SPEN: variants seen among roughly 807,000 people sequenced by gnomAD.
SPEN encodes msx2-interacting protein.
SPEN carries 18 observed loss-of-function variants against 269.9 expected under a neutral mutation model. The observed-to-expected ratio is 0.07, with a 90% CI of 0.05 to 0.10. The LOEUF (loss-of-function observed/expected upper bound fraction) is 0.10, where lower values mean the gene tolerates loss of function less well. SPEN is among the 10% of genes least tolerant of loss of function. The pLI, the probability that SPEN is intolerant of heterozygous loss-of-function variation, is 1.00. For missense variants in SPEN, 3,822 were observed against 4,631.2 expected, an observed-to-expected ratio of 0.83 and a Z score of 5.07; for synonymous variants, 1,726 against 1,765.7, an observed-to-expected ratio of 0.98 and a Z score of 0.56.
chr1:15,927,729 T>C (rs1174482788), intron 10 of SPEN, among the ~76,000 whole-genome samples: 2 of 152,246 alleles, frequency 1.3e-5, no homozygotes, highest in Non-Finnish European at 1.5e-5. Context: ...ATGTAAGTTA[T>C]ATAAATTCTG....
At position 15,929,536 on chromosome 1, in the gene SPEN, A is replaced by G. The variant is rs1165595104; in HGVS notation, c.3296A>G (p.Gln1099Arg). Residue 1099 changes from glutamine to arginine, a missense_variant, in exon 11 of 15, where the codon CAA (glutamine) becomes CGA (arginine). By Grantham distance (43) the Gln-to-Arg change is conservative. Transcript: ENST00000375759. The surrounding 1 kb of genome is among the most constrained non-coding windows in gnomAD (Gnocchi z 5.8). ...CTAGCAGGTGAATCTGTGGAAAATCAAGAAGTCCAATCAAAAAAGCCCATT... is the reference window on the plus strand; with the variant it reads ...CTAGCAGGTGAATCTGTGGAAAATCGAGAAGTCCAATCAAAAAAGCCCATT... ...GELAGESVENQEVQSKKPIPS... is the reference protein window; with the variant it reads ...GELAGESVENREVQSKKPIPS... 6.2e-7 allele frequency: 1 copy of G among 1,613,890 alleles called. No individual in the cohort carries two copies. Among genetic ancestry groups the G allele is most frequent in the East Asian group, 2.2e-5 (1 of 44,882 alleles).
intron 10 of SPEN, among the ~76,000 whole-genome samples, chr1:15,923,072 T>TA (rs561905653): frequency 4.6e-4 from 70 of 152,278 alleles, no homozygotes; most frequent in Middle Eastern, 6.8e-3. Flanking sequence ...ACATTTAACT[T>TA]AAAAAATAAA....
At chr1:15,878,935 G>A (rs749010089) in intron 3 of SPEN, among the ~76,000 whole-genome samples, 2 of 146,464 alleles carry the variant, frequency 1.4e-5, no homozygotes, top group African/African-American at 2.5e-5. Context: ...GCTTGAATTC[G>A]GGAGGTGGAG....
Position 15,848,327 on chromosome 1 carries a change from T to A in SPEN, c.83+177T>A, listed in dbSNP as rs945050820. Among the ~76,000 whole-genome samples, 3 of 151,088 alleles carry A rather than the reference T, an allele frequency of 2.0e-5. No homozygotes were observed. Among genetic ancestry groups the A allele is most frequent in the African/African-American group, 7.3e-5 (3 of 41,298 alleles). ...GCGTCGCGGCGTTGGGCCTCGGGTG[T>A]CGGCGGTGCGGGCGGCCAAGCCGCG... On this transcript the variant is annotated intron_variant, in intron 1 of 14. Transcript: ENST00000375759. This position sits in a 1 kb window ranked among gnomAD's most constrained non-coding sequence, Gnocchi z 5.1.
At chr1:15,889,701 A>G (rs1033119165) in intron 3 of SPEN, among the ~76,000 whole-genome samples, 1 of 152,066 alleles carries the variant, frequency 6.6e-6, no homozygotes, top group Non-Finnish European at 1.5e-5. Context: ...TGATATCTCT[A>G]TAGAACACCT....
At chr1:15,910,015 T>A (rs1207968748) in intron 4 of SPEN, among the ~76,000 whole-genome samples, 1 of 150,128 alleles carries the variant, frequency 6.7e-6, no homozygotes, top group African/African-American at 2.5e-5. Flanking sequence ...TCCCAGCTAC[T>A]CGGGAGGCTG....
chr1:15,902,879 C>A lies in SPEN; in HGVS notation c.882-6442C>A, dbSNP rs143611872. 8.3e-4 allele frequency among the ~76,000 whole-genome samples: 127 copies of A among 152,144 alleles called. 3 individuals carry two copies. The East Asian group carries it at 0.021, about 25-fold the overall frequency. ...TGCAGTGTTTTCTAATTGCCCTAAT[C>A]GCTCCTTTCTGAAAATATTGGTTTA... On this transcript the variant is annotated intron_variant, in intron 3 of 14. Transcript: ENST00000375759.
intron 4 of SPEN, among the ~76,000 whole-genome samples, chr1:15,910,362 A>T (rs2071001257): frequency 6.6e-6 from 1 of 152,076 alleles, no homozygotes; most frequent in African/African-American, 2.4e-5. Flanking sequence ...TCTGTAAAGG[A>T]TACTAAAATT....
intron 5 of SPEN, among the ~76,000 whole-genome samples, chr1:15,915,722 A>G (rs1324889262): frequency 3.3e-5 from 5 of 152,008 alleles, no homozygotes; most frequent in Admixed American, 1.3e-4. Flanking sequence ...TTTTTTTGGT[A>G]GAGATGGGGT....
At chr1:15,894,533 G>GTGGTTTTTTTTTTTTT (rs1557746623) in intron 3 of SPEN, among the ~76,000 whole-genome samples, 1 of 136,014 alleles carries the variant, frequency 7.4e-6, no homozygotes, top group African/African-American at 3.0e-5. Flanking sequence ...CCATATTATG[G>GTGGTTTTTTTTTTTTT]TTGTTTTTTT....
rs34565365 is a variant in SPEN at position 15,899,537 on chromosome 1, G to GTTTTTTTT, written c.882-9765_882-9758dup. Reference sequence around the variant, plus strand: ...GTGAAGTGATGTATCATGTGGCAGAGTTTTTTTTTTTTTTTTTTTTTTTTT... The same window carrying GTTTTTTTT: ...GTGAAGTGATGTATCATGTGGCAGAGTTTTTTTTTTTTTTTTTTTTTTTTTTTTTTTTT... On this transcript the variant is annotated intron_variant, in intron 3 of 14. Coordinates refer to ENST00000375759, the MANE Select transcript of SPEN (RefSeq NM_015001.3). Among the ~76,000 whole-genome samples the GTTTTTTTT allele has an allele frequency of 2.4e-5, 2 of 83,432 alleles. 1 individual carries two copies. Among genetic ancestry groups the GTTTTTTTT allele is most frequent in the Non-Finnish European group, 4.5e-5 (2 of 44,334 alleles). 54.7% of individuals were successfully genotyped at this position (83,432 alleles called of 152,430 possible). A position where few individuals can be genotyped will look rare whatever the true frequency, so the allele number is the denominator to read the frequency against.
intron 2 of SPEN, 123 bp downstream of exon 2, chr1:15,873,259 G>T: frequency 7.1e-7 from 1 of 1,408,156 alleles, no homozygotes. Flanking sequence ...CCTATTTTGG[G>T]TTGGAAACGG....
intron 1 of SPEN, among the ~76,000 whole-genome samples, chr1:15,853,694 C>G (rs2070358378): frequency 6.7e-6 from 1 of 149,434 alleles, no homozygotes; most frequent in Non-Finnish European, 1.5e-5. Flanking sequence ...GACGGAGTCT[C>G]ACTCTGTCAC....
chr1:15,868,163 T>G (rs112779784), intron 1 of SPEN, among the ~76,000 whole-genome samples: 1 of 150,314 alleles, frequency 6.7e-6, no homozygotes, highest in East Asian at 1.9e-4. Context: ...TTATATATAT[T>G]TATTTATTTA....
At chr1:15,875,740 G>A (rs2070624957) in intron 2 of SPEN, among the ~76,000 whole-genome samples, 2 of 152,184 alleles carry the variant, frequency 1.3e-5, no homozygotes, top group Middle Eastern at 6.8e-3. Flanking sequence ...TGAGACATGC[G>A]CTGCAGCAGG....
At chr1:15,909,711 C>T (rs893379870) in intron 4 of SPEN, among the ~76,000 whole-genome samples, 1 of 152,166 alleles carries the variant, frequency 6.6e-6, no homozygotes, top group Admixed American at 6.5e-5. Flanking sequence ...TATACTGTTA[C>T]TCCTACATTG....
intron 1 of SPEN, among the ~76,000 whole-genome samples, chr1:15,867,163 C>T (rs1003812541): frequency 1.3e-5 from 2 of 152,076 alleles, no homozygotes; most frequent in Non-Finnish European, 2.9e-5. Flanking sequence ...TGTCTTCAGC[C>T]CCTGGCAATC....
intron 3 of SPEN, among the ~76,000 whole-genome samples, chr1:15,888,996 C>T (rs2070764486): frequency 1.3e-5 from 2 of 152,100 alleles, no homozygotes; most frequent in Non-Finnish European, 2.9e-5. Flanking sequence ...TTCCTTATAT[C>T]TCTTTTGGGG....
At chr1:15,921,422 G>A (rs1197812077) in intron 9 of SPEN, among the ~76,000 whole-genome samples, 1 of 152,194 alleles carries the variant, frequency 6.6e-6, no homozygotes, top group Non-Finnish European at 1.5e-5. Context: ...TATCATTAGT[G>A]TTTAAGGGGA....
Sources: allele counts gnomAD v4.1 joint callset (sites outside exome capture counted in the v4.1 genomes callset), GRCh38; gene constraint gnomAD v4.1.1; non-coding constraint Gnocchi (gnomAD v3.1); transcripts MANE v1.5; gene names NCBI Gene and HGNC (gene_info 2026-07-23, HGNC 2026-07-21).